Variants in LVRN observed in about 807,000 individuals in gnomAD.
LVRN encodes aminopeptidase Q.
A neutral mutation model predicts 111.4 loss-of-function variants in LVRN; 99 were observed. That is an observed-to-expected ratio of 0.89 (90% confidence interval 0.76 to 1.05). The LOEUF (loss-of-function observed/expected upper bound fraction) is 1.05, where lower values mean the gene tolerates loss of function less well. Ranked by LOEUF, LVRN falls within the 50% of genes least tolerant of loss-of-function variation. The pLI is 0.00. For synonymous variants in LVRN, 488 were observed against 449.5 expected, an observed-to-expected ratio of 1.09 and a Z score of -1.08; for missense variants, 1,414 against 1,206.8, an observed-to-expected ratio of 1.17 and a Z score of -2.54.
At chr5:115,977,782 G>C (rs1753478982) in intron 1 of LVRN, among the ~76,000 whole-genome samples, 1 of 152,126 alleles carries the variant, frequency 6.6e-6, no homozygotes, top group Non-Finnish European at 1.5e-5. Context: ...AATTAAGATG[G>C]TGGGACTCTT....
rs114096393 is a variant in LVRN, at chr5:115,982,105, A to T, written c.696-1182A>T. On this transcript the variant is annotated intron_variant, in intron 1 of 19. Coordinates refer to ENST00000357872, the MANE Select transcript of LVRN (RefSeq NM_173800.5). Reference sequence around the variant, plus strand: ...AGTCTATGCCAGTAAGCATATAATAATGTGGGCAAGAGCAAGTAAGCCAAA... The same window carrying T: ...AGTCTATGCCAGTAAGCATATAATATTGTGGGCAAGAGCAAGTAAGCCAAA... 6.1e-3 allele frequency among the ~76,000 whole-genome samples: 936 copies of T among 152,286 alleles called. 5 individuals carry two copies. The highest frequency in any genetic ancestry group is 9.9e-3 in the Non-Finnish European group (673 of 68,018).
chr5:115,963,376 G>A (rs1320518446), intron 1 of LVRN, 64 bp downstream of exon 1: 1 of 1,383,936 alleles, frequency 7.2e-7, no homozygotes, highest in Non-Finnish European at 9.7e-7. Flanking sequence ...GCAGGCTGCG[G>A]GTCCAGCTGA....
intron 18 of LVRN, chr5:116,021,783 C>A: frequency 2.4e-6 from 1 of 422,072 alleles, no homozygotes; most frequent in South Asian, 1.8e-5. Flanking sequence ...CATAGCAATA[C>A]TTCACAGCTA....
In LVRN at chr5:115,963,037, C is replaced by A. The variant is rs1015662507; in HGVS notation, c.420C>A (p.Ala140=). ...ACATCACGGTGCGCTGCACGGTGGC[C>A]ACCTCTCGACTGCTGCTGCATAGCC... ...RVNITVRCTV[A]TSRLLLHSLF... Residue 140 remains alanine, a synonymous_variant, in exon 1 of 20, where the codon GCC becomes GCA. Coordinates refer to ENST00000357872, the MANE Select transcript of LVRN (RefSeq NM_173800.5). The A allele has an allele frequency of 1.9e-6, 3 of 1,613,524 alleles. No individual in the cohort carries two copies. The highest frequency in any genetic ancestry group is 2.5e-6 in the Non-Finnish European group (3 of 1,179,932).
intron 19 of LVRN, among the ~76,000 whole-genome samples, chr5:116,024,645 A>C (rs2560687): frequency 0.27 from 41,323 of 152,024 alleles, 5,820 homozygotes; most frequent in African/African-American, 0.33. Flanking sequence ...CTTTGCCTCT[A>C]CTGAATCCAG....
At chr5:115,966,331 G>A (rs1269321707) in intron 1 of LVRN, among the ~76,000 whole-genome samples, 2 of 152,112 alleles carry the variant, frequency 1.3e-5, no homozygotes, top group South Asian at 4.1e-4. Context: ...AGACCTTTCT[G>A]ACTCAGCATA....
At chr5:115,983,074 G>A (rs1027819134) in intron 1 of LVRN, among the ~76,000 whole-genome samples, 1 of 152,126 alleles carries the variant, frequency 6.6e-6, no homozygotes, top group African/African-American at 2.4e-5. Flanking sequence ...TGGTTTAAAA[G>A]TAAAGGGTGT....
Position 116,025,267 on chromosome 5 carries a change from G to A in LVRN, c.2833-711G>A, listed in dbSNP as rs548609300. On this transcript the variant is annotated intron_variant, in intron 19 of 19. Coordinates refer to ENST00000357872, the MANE Select transcript of LVRN (RefSeq NM_173800.5). ...GATAGCACTATTACTGTGCAATTTC[G>A]AGTATATTAGGGTTGAAGTGAGCTG... Among the ~76,000 whole-genome samples the A allele has an allele frequency of 1.3e-3, 205 of 152,268 alleles. 1 individual carries two copies. The highest frequency in any genetic ancestry group is 4.5e-3 in the African/African-American group (189 of 41,542).
intron 18 of LVRN, 24 bp downstream of exon 18, chr5:116,015,789 C>T (rs1748592683): frequency 6.2e-7 from 1 of 1,610,838 alleles, no homozygotes; most frequent in Non-Finnish European, 8.5e-7. Context: ...TGAGACCTTT[C>T]TTTCATTTAG....
At position 116,015,295 on chromosome 5, in the gene LVRN, G is replaced by A. The variant is rs1748575873; in HGVS notation, c.2494G>A (p.Ala832Thr). Residue 832 changes from alanine to threonine, a missense_variant, in exon 17 of 20, where the codon GCC becomes ACC. Physicochemically the swap from Ala to Thr is moderately conservative, Grantham distance 58. Transcript: ENST00000357872. ...IKDVVLCYGIALGSDKEWDIL... is the reference protein window; with the variant it reads ...IKDVVLCYGITLGSDKEWDIL... ...AGATGTGGTTTTATGTTATGGCATTGCCTTGGGAAGTGATAAAGAGTGGGA... is the reference window on the plus strand; with the variant it reads ...AGATGTGGTTTTATGTTATGGCATTACCTTGGGAAGTGATAAAGAGTGGGA... 1.2e-6 allele frequency: 2 copies of A among 1,610,540 alleles called. No individual in the cohort carries two copies. The highest frequency in any genetic ancestry group is 1.7e-6 in the Non-Finnish European group (2 of 1,178,494).
At chr5:116,020,940 A>G (rs1000792890) in intron 18 of LVRN, 5 of 152,188 alleles carry the variant, frequency 3.3e-5, no homozygotes, top group African/African-American at 1.2e-4. Flanking sequence ...ATTAATTAGA[A>G]TGTATTTGAA....
At chr5:116,014,925 C>T (rs1748568384) in intron 16 of LVRN, among the ~76,000 whole-genome samples, 2 of 152,092 alleles carry the variant, frequency 1.3e-5, no homozygotes, top group African/African-American at 4.8e-5. Flanking sequence ...CTGAAACTCT[C>T]ATTTTGGTTT....
chr5:115,983,206 C>A, intron 1 of LVRN, 81 bp from the exon 2 acceptor site: 5 of 1,423,222 alleles, frequency 3.5e-6, no homozygotes, highest in Non-Finnish European at 4.7e-6. Flanking sequence ...GGCTAACTTA[C>A]AAGCCATCAT....
Position 115,977,562 on chromosome 5 carries a change from A to G in LVRN, c.696-5725A>G, listed in dbSNP as rs1261645065. On this transcript the variant is annotated intron_variant, in intron 1 of 19. Transcript: ENST00000357872. ...CATTATCTTTAGATTTGGGAATGCT[A>G]TTAATTATAAAGTTAATCTCTAGTC... 4.6e-5 allele frequency among the ~76,000 whole-genome samples: 7 copies of G among 152,168 alleles called. No homozygotes were observed. The East Asian group carries it at 9.6e-4, about 21-fold the overall frequency.
intron 1 of LVRN, 74 bp downstream of exon 1, chr5:115,963,386 A>C: frequency 7.8e-7 from 1 of 1,280,060 alleles, no homozygotes; most frequent in Non-Finnish European, 1.1e-6. Flanking sequence ...GGTCCAGCTG[A>C]CTACCGTGTC....
At chr5:115,984,327 C>T (rs137966177) in intron 2 of LVRN, among the ~76,000 whole-genome samples, 61 of 152,116 alleles carry the variant, frequency 4.0e-4, no homozygotes, top group African/African-American at 1.4e-3. Context: ...TTATAGTGCT[C>T]GTGGATTTGG....
chr5:115,983,425 G>T lies in LVRN; in HGVS notation c.834G>T (p.Lys278Asn). The change falls in exon 2 of 20, where the codon AAG becomes AAT. Residue 278 changes from lysine (K) to asparagine (N), a missense_variant. Transcript: ENST00000357872. ...ATGTGGCCCTTTCCAACATGCCAAA[G>T]CTAGGTAAGTAATGCTTTCTGTCTA... ...PSYVALSNMP[K>N]LGQSEKEDVN... 1 of 1,597,944 alleles carries T rather than the reference G, an allele frequency of 6.3e-7. No individual in the cohort carries two copies. The highest frequency in any genetic ancestry group is 8.5e-7 in the Non-Finnish European group (1 of 1,175,020).
At position 115,987,911 on chromosome 5, in the gene LVRN, T is replaced by G; in HGVS notation, c.1077T>G (p.Phe359Leu). 1 of 1,612,900 alleles carries G rather than the reference T, an allele frequency of 6.2e-7. No homozygotes were observed. Among genetic ancestry groups the G allele is most frequent in the Non-Finnish European group, 8.5e-7 (1 of 1,179,520 alleles). ...TCTTCTCTTTTCTGGAGGATTTGTT[T>G]AATATCAGTTACTCTCTTCCAAAAA... ...GPIFSFLEDLFNISYSLPKTD... is the reference protein window; with the variant it reads ...GPIFSFLEDLLNISYSLPKTD... Residue 359 changes from phenylalanine (F) to leucine (L), a missense_variant, in exon 4 of 20, where the codon TTT (phenylalanine) becomes TTG (leucine). Phe to Leu is a conservative substitution (Grantham distance 22). Transcript: ENST00000357872.
chr5:115,987,404 C>G (rs1400532110), intron 3 of LVRN, among the ~76,000 whole-genome samples: 3 of 152,042 alleles, frequency 2.0e-5, no homozygotes, highest in Admixed American at 2.0e-4. Flanking sequence ...TTAATATGTA[C>G]CATACTATAT....
Sources: allele counts gnomAD v4.1 joint callset (sites outside exome capture counted in the v4.1 genomes callset), GRCh38; gene constraint gnomAD v4.1.1; transcripts MANE v1.5; gene names NCBI Gene and HGNC (gene_info 2026-07-23, HGNC 2026-07-21).